The following USH1G variants were observed in gnomAD, a reference collection of about 807,000 sequenced individuals.
USH1G encodes USH1 protein network component sans.
A neutral mutation model predicts 31.9 loss-of-function variants in USH1G; 27 were observed. The ratio of observed to expected loss-of-function variants is 0.85; its 90% CI spans 0.62 to 1.17. The LOEUF is 1.17. Among genes scored for constraint, USH1G ranks in the 50% most tolerant of loss-of-function variants. The pLI, the probability that USH1G is intolerant of heterozygous loss-of-function variation, is 0.00. For synonymous variants in USH1G, 266 were observed against 283.2 expected (o/e 0.94, Z 0.61); for missense variants, 674 against 638.9 (o/e 1.05, Z -0.59).
Position 74,922,901 on chromosome 17 carries a change from C to A in USH1G, c.164+9G>T. 11 of 1,542,684 alleles carry A rather than the reference C, an allele frequency of 7.1e-6. No homozygotes were observed. The highest frequency in any genetic ancestry group is 8.8e-6 in the Non-Finnish European group (10 of 1,140,560). On this transcript the variant is annotated intron_variant, in intron 1 of 2. Transcript: ENST00000614341. Reference sequence around the variant, plus strand: ...GGGGCCTCAAGGGCACTGGGTGGGGCGTACTCACCCGCGGCTCACAATGAG... The same window carrying A: ...GGGGCCTCAAGGGCACTGGGTGGGGAGTACTCACCCGCGGCTCACAATGAG...
rs2038889423 is a variant in USH1G at position 74,918,146 on chromosome 17, G to A, written c.1383-70C>T. ...TCCAGAGGCATCATTTTCACCCAGG[G>A]CAGCCATCTGGACAACTTAGCCTCC... On this transcript the variant is annotated intron_variant, in intron 2 of 2. Coordinates refer to ENST00000614341, the MANE Select transcript of USH1G (RefSeq NM_173477.5). The surrounding 1 kb of genome is among the most constrained non-coding windows in gnomAD (Gnocchi z 4.1). 11 of 1,601,366 alleles carry A rather than the reference G, an allele frequency of 6.9e-6. No homozygotes were observed. Among genetic ancestry groups the A allele is most frequent in the Non-Finnish European group, 9.4e-6 (11 of 1,172,332 alleles).
At position 74,921,073 on chromosome 17, in the gene USH1G, G is replaced by A. The variant is rs1004561957; in HGVS notation, c.165-402C>T. Among the ~76,000 whole-genome samples the A allele has an allele frequency of 5.3e-5, 8 of 152,252 alleles. No homozygotes were observed. Among genetic ancestry groups the A allele is most frequent in the East Asian group, 1.9e-4 (1 of 5,150 alleles). On this transcript the variant is annotated intron_variant, in intron 1 of 2. Coordinates refer to ENST00000614341, the MANE Select transcript of USH1G (RefSeq NM_173477.5). The surrounding 1 kb of genome is among the most constrained non-coding windows in gnomAD (Gnocchi z 4.6). Reference sequence around the variant, plus strand: ...GCCGCGTCTGGGTCTCTAGGCAGGCGTGGTGGTGAGTGTGGCTGCGTGTGC... The same window carrying A: ...GCCGCGTCTGGGTCTCTAGGCAGGCATGGTGGTGAGTGTGGCTGCGTGTGC...
rs143458197 is a variant in USH1G, at chr17:74,920,235, A to G, written c.601T>C (p.Tyr201His). The part of the protein sequence containing the change: ...QHLALGSHLP[Y>H]SQATLHGTAR... ...GTGCCGTGCAGCGTGGCCTGAGAGT[A>G]CGGCAGGTGGCTGCCCAGCGCCAGA... Residue 201 changes from tyrosine to histidine, a missense_variant, in exon 2 of 3, where the codon TAC (tyrosine) becomes CAC (histidine). Transcript: ENST00000614341. This position sits in a 1 kb window ranked among gnomAD's most constrained non-coding sequence, Gnocchi z 5.2. 5 of 1,602,906 alleles carry G rather than the reference A, an allele frequency of 3.1e-6. No individual in the cohort carries two copies. The African/African-American group carries it at 4.0e-5, about 13-fold the overall frequency.
rs949406974 is a variant in USH1G, at chr17:74,917,778, C to T, written c.*295G>A. 17 of 494,044 alleles carry T rather than the reference C, an allele frequency of 3.4e-5. No individual in the cohort carries two copies. The highest frequency in any genetic ancestry group is 5.5e-4 in the Middle Eastern group (1 of 1,814). 30.6% of individuals were successfully genotyped at this position (494,044 alleles called of 1,614,324 possible). A position where few individuals can be genotyped will look rare whatever the true frequency, so the allele number is the denominator to read the frequency against. Reference sequence around the variant, plus strand: ...TCCAGTTCCGATGCCCCTGCCCTCCCTCTGGGGCAGGCCTCCCCCAAGTCT... The same window carrying T: ...TCCAGTTCCGATGCCCCTGCCCTCCTTCTGGGGCAGGCCTCCCCCAAGTCT... On this transcript the variant is annotated 3_prime_UTR_variant, in exon 3 of 3. Coordinates refer to ENST00000614341, the MANE Select transcript of USH1G (RefSeq NM_173477.5).
Position 74,919,720 on chromosome 17 carries a change from C to T in USH1G, c.1116G>A (p.Leu372=), listed in dbSNP as rs1567939398. 1 of 1,612,960 alleles carries T rather than the reference C, an allele frequency of 6.2e-7. No individual in the cohort carries two copies. Among genetic ancestry groups the T allele is most frequent in the Non-Finnish European group, 8.5e-7 (1 of 1,180,018 alleles). Residue 372 remains leucine, a synonymous_variant, in exon 2 of 3, where the codon CTG becomes CTA. Transcript: ENST00000614341. This position sits in a 1 kb window ranked among gnomAD's most constrained non-coding sequence, Gnocchi z 4.5. ...SLQDRSCGEE[L]PWDELDLGLD... ...AGCCTAAATCGAGCTCATCCCAGGG[C>T]AGCTCCTCCCCACAGCTGCGGTCCT...
rs774725935 is a variant in USH1G at position 74,919,672 on chromosome 17, C to G, written c.1164G>C (p.Glu388Asp). 1.9e-6 allele frequency: 3 copies of G among 1,612,838 alleles called. No individual in the cohort carries two copies. The highest frequency in any genetic ancestry group is 2.5e-6 in the Non-Finnish European group (3 of 1,180,020). Residue 388 changes from glutamate (E) to aspartate (D), a missense_variant, in exon 2 of 3, where the codon GAG (glutamate) becomes GAC (aspartate). Coordinates refer to ENST00000614341, the MANE Select transcript of USH1G (RefSeq NM_173477.5). This position sits in a 1 kb window ranked among gnomAD's most constrained non-coding sequence, Gnocchi z 4.5. ...CCAGGAAGGTCTCCAGCGGGCTAGT[C>G]TCGGGCTCCAGGTCCTCGTCCAAGC... The part of the protein sequence containing the change: ...DLGLDEDLEP[E>D]TSPLETFLAS...
chr17:74,919,750 G>A lies in USH1G; in HGVS notation c.1086C>T (p.Ser362=), dbSNP rs559001977. The change falls in exon 2 of 3, where the codon AGC becomes AGT. Residue 362 remains serine, a synonymous_variant. Coordinates refer to ENST00000614341, the MANE Select transcript of USH1G (RefSeq NM_173477.5). This position sits in a 1 kb window ranked among gnomAD's most constrained non-coding sequence, Gnocchi z 4.5. The part of the protein sequence containing the change: ...LDDDSLGSAN[S]LQDRSCGEEL... ...CCTCCCCACAGCTGCGGTCCTGCAG[G>A]CTGTTGGCACTGCCCAGGCTGTCAT... 1.9e-6 allele frequency: 3 copies of A among 1,612,972 alleles called. No individual in the cohort carries two copies. The African/African-American group carries it at 4.0e-5, about 21-fold the overall frequency.
chr17:74,917,731 G>C lies in USH1G; in HGVS notation c.*342C>G, dbSNP rs186770264. 7.8e-6 allele frequency: 3 copies of C among 385,118 alleles called. No homozygotes were observed. The highest frequency in any genetic ancestry group is 8.1e-4 in the Middle Eastern group (1 of 1,238). The allele number at this position is 385,118 out of a possible 1,614,324, so 23.9% of individuals were successfully genotyped here. A position where few individuals can be genotyped will look rare whatever the true frequency, so the allele number is the denominator to read the frequency against. ...GCGCCCGGGACAGGTGCACCCTCCC[G>C]CATCCACCTCCCACACTCTCATCCA... On this transcript the variant is annotated 3_prime_UTR_variant, in exon 3 of 3. Coordinates refer to ENST00000614341, the MANE Select transcript of USH1G (RefSeq NM_173477.5).
In USH1G at chr17:74,920,274, G is replaced by T; in HGVS notation, c.562C>A (p.Arg188Ser). 8.1e-6 allele frequency: 13 copies of T among 1,603,578 alleles called. No homozygotes were observed. The highest frequency in any genetic ancestry group is 1.1e-5 in the Non-Finnish European group (13 of 1,179,086). Reference protein sequence around the residue: ...FSSLTSSTLSRRLQHLALGSH... With the variant: ...FSSLTSSTLSSRLQHLALGSH... Reference sequence around the variant, plus strand: ...CCCAGCGCCAGATGCTGCAGCCGGCGGCTCAGGGTGCTGGACGTGAGGCTG... The same window carrying T: ...CCCAGCGCCAGATGCTGCAGCCGGCTGCTCAGGGTGCTGGACGTGAGGCTG... Residue 188 changes from arginine to serine, a missense_variant, in exon 2 of 3, where the codon CGC (arginine) becomes AGC (serine). Transcript: ENST00000614341. The surrounding 1 kb of genome is among the most constrained non-coding windows in gnomAD (Gnocchi z 5.2).
Position 74,920,867 on chromosome 17 carries a change from G to GA in USH1G, c.165-197dup, listed in dbSNP as rs1308917108. ...GGTGAGCCCAGGGGTGAGCCCAGGG[G>GA]AAAATGGCCTCAGGCATGCAGGGGG... On this transcript the variant is annotated intron_variant, in intron 1 of 2. Coordinates refer to ENST00000614341, the MANE Select transcript of USH1G (RefSeq NM_173477.5). This position sits in a 1 kb window ranked among gnomAD's most constrained non-coding sequence, Gnocchi z 5.2. Among the ~76,000 whole-genome samples, 1 of 152,170 alleles carries GA rather than the reference G, an allele frequency of 6.6e-6. No individual in the cohort carries two copies. Among genetic ancestry groups the GA allele is most frequent in the African/African-American group, 2.4e-5 (1 of 41,428 alleles).
At position 74,920,335 on chromosome 17, in the gene USH1G, G is replaced by T; in HGVS notation, c.501C>A (p.Arg167=). ...GGGTGTCGGAACGCTCGGCCAGCTC[G>T]CGCCGGTATCGCCGCTCCATGCGTT... ...HHERMERRYR[R]ELAERSDTLS... Residue 167 remains arginine (R), a synonymous_variant, in exon 2 of 3, where the codon CGC becomes CGA. Coordinates refer to ENST00000614341, the MANE Select transcript of USH1G (RefSeq NM_173477.5). The surrounding 1 kb of genome is among the most constrained non-coding windows in gnomAD (Gnocchi z 5.2). The T allele has an allele frequency of 6.2e-7, 1 of 1,610,074 alleles. No homozygotes were observed. The highest frequency in any genetic ancestry group is 8.5e-7 in the Non-Finnish European group (1 of 1,179,252).
chr17:74,922,507 G>C (rs1369948701), intron 1 of USH1G, among the ~76,000 whole-genome samples: 2 of 152,156 alleles, frequency 1.3e-5, no homozygotes, highest in African/African-American at 4.8e-5. Flanking sequence ...TTGGATCAAG[G>C]CTGGAGAGTG....
rs754390030 is a variant in USH1G, at chr17:74,920,209, C to A, written c.627G>T (p.Thr209=). ...TCTGCATCTTGGTCTTGCCCCTGGC[C>A]GTGCCGTGCAGCGTGGCCTGAGAGT... ...LPYSQATLHG[T]ARGKTKMQKK... is the part of the protein sequence containing the mutation. The change falls in exon 2 of 3, where the codon ACG becomes ACT. Residue 209 remains threonine (T), a synonymous_variant. Coordinates refer to ENST00000614341, the MANE Select transcript of USH1G (RefSeq NM_173477.5). This position sits in a 1 kb window ranked among gnomAD's most constrained non-coding sequence, Gnocchi z 5.2. 6.2e-7 allele frequency: 1 copy of A among 1,602,606 alleles called. No individual in the cohort carries two copies. Among genetic ancestry groups the A allele is most frequent in the East Asian group, 2.2e-5 (1 of 44,874 alleles).
Position 74,922,409 on chromosome 17 carries a change from C to T in USH1G, c.164+501G>A, listed in dbSNP as rs537454080. On this transcript the variant is annotated intron_variant, in intron 1 of 2. Coordinates refer to ENST00000614341, the MANE Select transcript of USH1G (RefSeq NM_173477.5). ...TGACATTTGGCGCCCTGGACAGTGTCCATAAATCCCCAAAATGAGCAGGTT... is the reference window on the plus strand; with the variant it reads ...TGACATTTGGCGCCCTGGACAGTGTTCATAAATCCCCAAAATGAGCAGGTT... 3.3e-3 allele frequency among the ~76,000 whole-genome samples: 498 copies of T among 152,232 alleles called. 4 individuals are homozygous for T. Among genetic ancestry groups the T allele is most frequent in the Non-Finnish European group, 5.8e-3 (394 of 68,014 alleles).
In USH1G at chr17:74,922,991, G is replaced by C. The variant is rs145448362; in HGVS notation, c.83C>G (p.Pro28Arg). The change falls in exon 1 of 3, where the codon CCC (proline) becomes CGC (arginine). Residue 28 changes from proline (P) to arginine (R), a missense_variant. Transcript: ENST00000614341. ...KEATRKELNA[P>R]DEDGMTPTLW... Reference sequence around the variant, plus strand: ...AGTGGGGGTCATGCCATCCTCGTCGGGGGCATTCAGCTCCTTTCGGGTGGC... The same window carrying C: ...AGTGGGGGTCATGCCATCCTCGTCGCGGGCATTCAGCTCCTTTCGGGTGGC... 2.6e-6 allele frequency: 4 copies of C among 1,566,596 alleles called. No individual in the cohort carries two copies. The highest frequency in any genetic ancestry group is 3.5e-6 in the Non-Finnish European group (4 of 1,154,304).
chr17:74,921,692 A>G lies in USH1G; in HGVS notation c.165-1021T>C, dbSNP rs2038945202. ...CCAGCACCCAACCCACAACCCATCA[A>G]ACACCAATCCTGGTCTCTGGAGGAG... is the stretch of plus-strand genomic sequence containing the variant. On this transcript the variant is annotated intron_variant, in intron 1 of 2. Transcript: ENST00000614341. This position sits in a 1 kb window ranked among gnomAD's most constrained non-coding sequence, Gnocchi z 4.6. Among the ~76,000 whole-genome samples the G allele has an allele frequency of 6.6e-6, 1 of 152,058 alleles. No individual in the cohort carries two copies. Among genetic ancestry groups the G allele is most frequent in the African/African-American group, 2.4e-5 (1 of 41,416 alleles).
In USH1G at chr17:74,923,009, C is replaced by T. The variant is rs147705262; in HGVS notation, c.65G>A (p.Arg22Gln). Residue 22 changes from arginine to glutamine, a missense_variant, in exon 1 of 3, where the codon CGA (arginine) becomes CAA (glutamine). Physicochemically the swap from Arg to Gln is conservative, Grantham distance 43. Transcript: ENST00000614341. This position sits in a 1 kb window ranked among gnomAD's most constrained non-coding sequence, Gnocchi z 5.3. ...CTCGTCGGGGGCATTCAGCTCCTTT[C>T]GGGTGGCCTCCTTGAGGAGCTCCAG... The part of the protein sequence containing the change: ...GYLELLKEAT[R>Q]KELNAPDEDG... 111 of 1,575,010 alleles carry T rather than the reference C, an allele frequency of 7.0e-5. No individual in the cohort carries two copies. Among genetic ancestry groups the T allele is most frequent in the Admixed American group, 3.5e-4 (19 of 55,046 alleles).
rs754390030 is a variant in USH1G, at chr17:74,920,209, C to T, written c.627G>A (p.Thr209=). The part of the protein sequence containing the change: ...LPYSQATLHG[T]ARGKTKMQKK... ...TCTGCATCTTGGTCTTGCCCCTGGC[C>T]GTGCCGTGCAGCGTGGCCTGAGAGT... Residue 209 remains threonine, a synonymous_variant, in exon 2 of 3, where the codon ACG becomes ACA. Coordinates refer to ENST00000614341, the MANE Select transcript of USH1G (RefSeq NM_173477.5). The surrounding 1 kb of genome is among the most constrained non-coding windows in gnomAD (Gnocchi z 5.2). 2.1e-5 allele frequency: 33 copies of T among 1,602,490 alleles called. No homozygotes were observed. In the East Asian group the frequency reaches 6.9e-4, roughly 34 times the overall value.
rs1163878632 is a variant in USH1G, at chr17:74,920,266, C to T, written c.570G>A (p.Leu190=). The change falls in exon 2 of 3, where the codon CTG becomes CTA. Residue 190 remains leucine (L), a synonymous_variant. Coordinates refer to ENST00000614341, the MANE Select transcript of USH1G (RefSeq NM_173477.5). This position sits in a 1 kb window ranked among gnomAD's most constrained non-coding sequence, Gnocchi z 5.2. Reference sequence around the variant, plus strand: ...GGTGGCTGCCCAGCGCCAGATGCTGCAGCCGGCGGCTCAGGGTGCTGGACG... The same window carrying T: ...GGTGGCTGCCCAGCGCCAGATGCTGTAGCCGGCGGCTCAGGGTGCTGGACG... ...SLTSSTLSRR[L]QHLALGSHLP... is the part of the protein sequence containing the mutation. The T allele has an allele frequency of 6.2e-7, 1 of 1,602,918 alleles. No homozygotes were observed. The highest frequency in any genetic ancestry group is 8.5e-7 in the Non-Finnish European group (1 of 1,179,240).
Sources: allele counts gnomAD v4.1 joint callset (sites outside exome capture counted in the v4.1 genomes callset), GRCh38; gene constraint gnomAD v4.1.1; non-coding constraint Gnocchi (gnomAD v3.1); transcripts MANE v1.5; gene names NCBI Gene and HGNC (gene_info 2026-07-23, HGNC 2026-07-21).